SGMS1: variants seen among roughly 807,000 people sequenced by gnomAD.
The protein encoded by SGMS1 is phosphatidylcholine:ceramide cholinephosphotransferase 1.
A neutral mutation model predicts 46.2 loss-of-function variants in SGMS1; 13 were observed. The ratio of observed to expected loss-of-function variants is 0.28; its 90% confidence interval spans 0.18 to 0.45. SGMS1 has a LOEUF of 0.45. SGMS1 is among the 20% of genes least tolerant of loss of function. SGMS1 has a pLI of 1.00. For synonymous variants in SGMS1, 203 were observed against 187.8 expected, an observed-to-expected ratio of 1.08 and a Z score of -0.66; for missense variants, 324 against 519.9, an observed-to-expected ratio of 0.62 and a Z score of 3.66.
chr10:50,476,631 A>C (rs1159156606), intron 3 of SGMS1, among the ~76,000 whole-genome samples: 1 of 152,234 alleles, frequency 6.6e-6, no homozygotes, highest in Non-Finnish European at 1.5e-5. Context: ...ATCACAGGCC[A>C]GGAGGTCTAG....
At chr10:50,508,996 G>A (rs1837731305) in intron 3 of SGMS1, among the ~76,000 whole-genome samples, 1 of 152,138 alleles carries the variant, frequency 6.6e-6, no homozygotes, top group African/African-American at 2.4e-5. Flanking sequence ...TCACAGATGT[G>A]GCATCTAGTT....
chr10:50,592,101 G>C (rs190531611), intron 1 of SGMS1, among the ~76,000 whole-genome samples: 3 of 152,252 alleles, frequency 2.0e-5, no homozygotes, highest in Non-Finnish European at 4.4e-5. Context: ...TCCACAAAGG[G>C]GAGATGGTGC....
chr10:50,509,792 A>G (rs1405501618), intron 3 of SGMS1, among the ~76,000 whole-genome samples: 1 of 152,248 alleles, frequency 6.6e-6, no homozygotes, highest in Non-Finnish European at 1.5e-5. Flanking sequence ...TAATGACTTA[A>G]CAAATCCTTA....
intron 3 of SGMS1, among the ~76,000 whole-genome samples, chr10:50,508,524 A>G (rs1837726112): frequency 6.6e-6 from 1 of 152,226 alleles, no homozygotes; most frequent in Non-Finnish European, 1.5e-5. Context: ...AAAAGCCAGC[A>G]ATAGATTACT....
chr10:50,383,186 T>G (rs1276162184), intron 6 of SGMS1, among the ~76,000 whole-genome samples: 2 of 152,166 alleles, frequency 1.3e-5, no homozygotes, highest in Non-Finnish European at 2.9e-5. Context: ...AGAAAGTAAG[T>G]GATTTTAAAT....
At chr10:50,612,495 GA>G (rs930015846) in intron 1 of SGMS1, among the ~76,000 whole-genome samples, 4 of 151,950 alleles carry the variant, frequency 2.6e-5, no homozygotes, top group African/African-American at 9.7e-5. Flanking sequence ...GTGGAGGGGA[GA>G]AAAAAGAAAA....
intron 6 of SGMS1, among the ~76,000 whole-genome samples, chr10:50,354,567 T>C (rs1412146738): frequency 3.3e-5 from 5 of 151,964 alleles, no homozygotes; most frequent in Non-Finnish European, 7.4e-5. Flanking sequence ...AAAGCAATGG[T>C]AACAAAAGCC....
At chr10:50,396,104 G>A (rs1004140499) in intron 6 of SGMS1, among the ~76,000 whole-genome samples, 70 of 152,066 alleles carry the variant, frequency 4.6e-4, no homozygotes, top group African/African-American at 1.7e-3. Context: ...GATGAAAAAC[G>A]TTAACAAAAC....
At chr10:50,345,291 T>C (rs1027270960) in intron 6 of SGMS1, among the ~76,000 whole-genome samples, 1 of 152,040 alleles carries the variant, frequency 6.6e-6, no homozygotes, top group Non-Finnish European at 1.5e-5. Flanking sequence ...TTCTGTGAGA[T>C]CCCACAGTTT....
chr10:50,490,249 A>G (rs771175278), intron 3 of SGMS1, among the ~76,000 whole-genome samples: 4 of 152,226 alleles, frequency 2.6e-5, no homozygotes, highest in Non-Finnish European at 5.9e-5. Context: ...ATTATTCCTA[A>G]TATTCTAAAT....
At chr10:50,460,358 C>A (rs534806735) in intron 5 of SGMS1, among the ~76,000 whole-genome samples, 27 of 152,240 alleles carry the variant, frequency 1.8e-4, no homozygotes, top group African/African-American at 6.0e-4. Context: ...TGCTCTACTC[C>A]CAGGAAAGAA....
chr10:50,544,431 T>C (rs576798202), intron 2 of SGMS1, among the ~76,000 whole-genome samples: 2 of 152,356 alleles, frequency 1.3e-5, no homozygotes, highest in South Asian at 4.1e-4. Context: ...CTTGCTTCGG[T>C]GAAGGCAAAC....
intron 8 of SGMS1, among the ~76,000 whole-genome samples, chr10:50,317,448 G>A (rs896718328): frequency 6.6e-6 from 1 of 152,102 alleles, no homozygotes; most frequent in Non-Finnish European, 1.5e-5. Context: ...TAAAAGAGTG[G>A]CTTACCGACC....
At chr10:50,414,971 T>C (rs1006293605) in intron 6 of SGMS1, among the ~76,000 whole-genome samples, 3 of 152,158 alleles carry the variant, frequency 2.0e-5, no homozygotes, top group African/African-American at 7.2e-5. Flanking sequence ...ACGTAGCACG[T>C]TATTAAATGC....
intron 2 of SGMS1, among the ~76,000 whole-genome samples, chr10:50,544,426 T>A (rs1262786835): frequency 6.6e-6 from 1 of 152,368 alleles, no homozygotes; most frequent in Non-Finnish European, 1.5e-5. Context: ...ATTATCTTGC[T>A]TCGGTGAAGG....
intron 1 of SGMS1, among the ~76,000 whole-genome samples, chr10:50,621,271 C>A (rs1588895381): frequency 6.6e-6 from 1 of 152,152 alleles, no homozygotes; most frequent in South Asian, 2.1e-4. Flanking sequence ...CACACCATTT[C>A]TCTAGCTGAA....
intron 2 of SGMS1, among the ~76,000 whole-genome samples, chr10:50,538,985 G>A (rs927451467): frequency 2.0e-5 from 3 of 152,230 alleles, no homozygotes; most frequent in Admixed American, 6.5e-5. Flanking sequence ...CGAACTCGGT[G>A]AGCAGCACAT....
At chr10:50,398,045 C>T (rs370959888) in intron 6 of SGMS1, among the ~76,000 whole-genome samples, 32 of 152,060 alleles carry the variant, frequency 2.1e-4, no homozygotes, top group African/African-American at 7.7e-4. Flanking sequence ...TGACTTTGTA[C>T]TCTGGTGTGC....
At chr10:50,355,837 T>A (rs1329667444) in intron 6 of SGMS1, among the ~76,000 whole-genome samples, 2 of 151,650 alleles carry the variant, frequency 1.3e-5, no homozygotes, top group Non-Finnish European at 1.5e-5. Flanking sequence ...GGAGCGCCTC[T>A]GCCCCGCCGC....
Sources: allele counts gnomAD v4.1 joint callset (sites outside exome capture counted in the v4.1 genomes callset), GRCh38; gene constraint gnomAD v4.1.1; transcripts MANE v1.5; gene names NCBI Gene and HGNC (gene_info 2026-07-23, HGNC 2026-07-21).